LAMB1: variants seen among roughly 807,000 people sequenced by gnomAD.
LAMB1 encodes the protein laminin subunit beta 1, also known as laminin subunit beta-1.
LAMB1 carries 121 observed loss-of-function variants against 222.3 expected under a neutral mutation model. That is an observed-to-expected ratio of 0.54 (90% CI 0.47 to 0.63). The LOEUF (loss-of-function observed/expected upper bound fraction) is 0.63, where lower values mean the gene tolerates loss of function less well. LAMB1 is among the 30% of genes least tolerant of loss of function. LAMB1 has a pLI of 0.00. For missense variants in LAMB1, 2,172 were observed against 2,240.8 expected (o/e 0.97, Z 0.62); for synonymous variants, 794 against 807.2 (o/e 0.98, Z 0.28).
intron 2 of LAMB1, chr7:108,002,096 C>T: frequency 5.4e-6 from 8 of 1,473,112 alleles, no homozygotes; most frequent in Non-Finnish European, 7.2e-6. Context: ...GAGCCCGGCG[C>T]AGGGAGGCTG....
intron 15 of LAMB1, among the ~76,000 whole-genome samples, 160 bp downstream of exon 15, chr7:107,962,745 A>ATTTATT (rs1465271216): frequency 1.6e-4 from 24 of 151,770 alleles, no homozygotes; most frequent in Non-Finnish European, 2.8e-4. Flanking sequence ...AAAATGGTAC[A>ATTTATT]TTTATTTTAA....
rs747815326 is a variant in LAMB1, at chr7:107,931,451, T to C, written c.4442A>G (p.Asp1481Gly). The change falls in exon 29 of 34, where the codon GAC becomes GGC. Residue 1481 changes from aspartate (D) to glycine (G), a missense_variant. Physicochemically the swap from Asp to Gly is moderately conservative, Grantham distance 94. Coordinates refer to ENST00000222399, the MANE Select transcript of LAMB1 (RefSeq NM_002291.3). The stretch of plus-strand genomic sequence containing the variant: ...GGTAGCATTTGTCTTCAACAGAATG[T>C]CTTCAGCACTTTGTTTTGCCTCATC... ...RADEAKQSAEDILLKTNATKE... is the reference protein window; with the variant it reads ...RADEAKQSAEGILLKTNATKE... The C allele has an allele frequency of 2.5e-6, 4 of 1,613,746 alleles. No homozygotes were observed. Among genetic ancestry groups the C allele is most frequent in the African/African-American group, 1.3e-5 (1 of 75,034 alleles).
intron 24 of LAMB1, among the ~76,000 whole-genome samples, chr7:107,949,005 GTTTCTGTTTTTTATCGGTTGTTTGCT>G (rs1469148210): frequency 2.6e-5 from 4 of 152,294 alleles, no homozygotes; most frequent in Admixed American, 6.5e-5. Flanking sequence ...AGAATACTTA[GTTTCTGTTTTTTATCGGTTGTTTGCT>G]TTTCCTGATG....
chr7:107,951,131 T>C (rs2033238341), intron 24 of LAMB1, 95 bp downstream of exon 24: 1 of 846,100 alleles, frequency 1.2e-6, no homozygotes, highest in African/African-American at 1.7e-5. Flanking sequence ...GACACGTTAA[T>C]TTGTACTGTG....
At chr7:107,976,656 C>A (rs540948743) in intron 9 of LAMB1, among the ~76,000 whole-genome samples, 2 of 152,306 alleles carry the variant, frequency 1.3e-5, no homozygotes, top group South Asian at 4.1e-4. Context: ...CTACTCACAT[C>A]CTTGGTGCCC....
At chr7:107,983,457 C>G (rs751205540) in intron 7 of LAMB1, among the ~76,000 whole-genome samples, 8 of 151,520 alleles carry the variant, frequency 5.3e-5, no homozygotes, top group Non-Finnish European at 7.4e-5. Context: ...GCAACATCAA[C>G]AGCAACAAAT....
chr7:107,958,837 A>C (rs567643417), intron 20 of LAMB1, among the ~76,000 whole-genome samples: 1 of 152,316 alleles, frequency 6.6e-6, no homozygotes, highest in Admixed American at 6.5e-5. Context: ...GTTGCATAAA[A>C]CGTTCTGAAA....
chr7:107,940,616 A>G (rs2032958877), intron 24 of LAMB1: 3 of 481,398 alleles, frequency 6.2e-6, no homozygotes, highest in South Asian at 2.6e-5. Flanking sequence ...AACTCTCACA[A>G]TAACCCTATG....
Position 107,964,696 on chromosome 7 carries a change from G to C in LAMB1, c.1563-9C>G, listed in dbSNP as rs773444648. The C allele has an allele frequency of 1.9e-6, 3 of 1,613,976 alleles. No homozygotes were observed. Among genetic ancestry groups the C allele is most frequent in the Non-Finnish European group, 1.7e-6 (2 of 1,179,964 alleles). On this transcript the variant is annotated splice_polypyrimidine_tract_variant and intron_variant, in intron 13 of 33. Transcript: ENST00000222399. ...CTGACTCCGCAAAGCAACTGGAAGG[G>C]AGGAGGAGCCACATCAGCTGAGTTC...
chr7:107,926,353 A>G lies in LAMB1; in HGVS notation c.4894T>C (p.Ser1632Pro), dbSNP rs2032566399. 6.2e-7 allele frequency: 1 copy of G among 1,613,314 alleles called. No individual in the cohort carries two copies. Among genetic ancestry groups the G allele is most frequent in the African/African-American group, 1.3e-5 (1 of 74,892 alleles). The part of the protein sequence containing the change: ...GTQNLLTSIE[S>P]ETAASEETLF... ...GTTTCCTCAGAAGCTGCTGTTTCAGACTCAATCTAAAAGCATGTCAATTTT... is the reference window on the plus strand; with the variant it reads ...GTTTCCTCAGAAGCTGCTGTTTCAGGCTCAATCTAAAAGCATGTCAATTTT... Residue 1632 changes from serine to proline, a missense_variant, in exon 32 of 34, where the codon TCT becomes CCT. Coordinates refer to ENST00000222399, the MANE Select transcript of LAMB1 (RefSeq NM_002291.3).
chr7:107,975,924 C>T (rs2033845427), intron 9 of LAMB1, 47 bp from the exon 10 acceptor site: 3 of 1,530,218 alleles, frequency 2.0e-6, no homozygotes, highest in Admixed American at 1.8e-5. Context: ...AATCTATGGA[C>T]CAATGGAGGA....
At chr7:108,001,512 G>A (rs2034382442) in intron 3 of LAMB1, 46 bp downstream of exon 3, 1 of 1,528,312 alleles carries the variant, frequency 6.5e-7, no homozygotes, top group Non-Finnish European at 8.8e-7. Flanking sequence ...AGGTCTGGAC[G>A]GGAGGAGGCG....
In LAMB1 at chr7:107,924,998, T is replaced by C. The variant is rs73410496; in HGVS notation, c.5065-609A>G. On this transcript the variant is annotated intron_variant, in intron 32 of 33. Coordinates refer to ENST00000222399, the MANE Select transcript of LAMB1 (RefSeq NM_002291.3). The stretch of plus-strand genomic sequence containing the variant: ...TCCTTTCTCTTGTGATAAAATGTCA[T>C]TATGCAAAATGCCCTGAAGCAGAGT... Among the ~76,000 whole-genome samples, 877 of 152,294 alleles carry C rather than the reference T, an allele frequency of 5.8e-3. 9 individuals are homozygous for C. Among genetic ancestry groups the C allele is most frequent in the African/African-American group, 0.02 (812 of 41,564 alleles).
At chr7:107,943,585 G>C (rs2033044793) in intron 24 of LAMB1, among the ~76,000 whole-genome samples, 1 of 152,042 alleles carries the variant, frequency 6.6e-6, no homozygotes, top group Non-Finnish European at 1.5e-5. Flanking sequence ...GTAGGTATCA[G>C]AATCACCTGG....
chr7:107,955,276 T>C lies in LAMB1; in HGVS notation c.2854+191A>G, dbSNP rs142598902. ...CCTGCTTTGTGTTATAACGTTCTTATCAGAGACTCAATATGAATTGACTCC... is the reference window on the plus strand; with the variant it reads ...CCTGCTTTGTGTTATAACGTTCTTACCAGAGACTCAATATGAATTGACTCC... On this transcript the variant is annotated intron_variant, in intron 21 of 33. Transcript: ENST00000222399. Among the ~76,000 whole-genome samples the C allele has an allele frequency of 1.4e-4, 22 of 152,336 alleles. No homozygotes were observed. The East Asian group carries it at 3.9e-3, about 27-fold the overall frequency.
intron 5 of LAMB1, among the ~76,000 whole-genome samples, chr7:107,992,388 G>A (rs2034202528): frequency 6.6e-6 from 1 of 152,196 alleles, no homozygotes; most frequent in African/African-American, 2.4e-5. Flanking sequence ...GGAAGCTCCT[G>A]GAGGGCAGTC....
rs1399071777 is a variant in LAMB1 at position 107,961,693 on chromosome 7, A to G, written c.1858-17T>C. On this transcript the variant is annotated splice_polypyrimidine_tract_variant and intron_variant, in intron 15 of 33. Coordinates refer to ENST00000222399, the MANE Select transcript of LAMB1 (RefSeq NM_002291.3). ...GTCGGGTAGCTAGAATAAGAAACAA[A>G]CAATGAAAAGATAGTTAGCCCACCA... 3 of 1,608,658 alleles carry G rather than the reference A, an allele frequency of 1.9e-6. No individual in the cohort carries two copies. Among genetic ancestry groups the G allele is most frequent in the African/African-American group, 1.3e-5 (1 of 74,956 alleles).
At chr7:107,938,025 G>T (rs1475336768) in intron 25 of LAMB1, among the ~76,000 whole-genome samples, 2 of 151,968 alleles carry the variant, frequency 1.3e-5, no homozygotes, top group African/African-American at 4.8e-5. Context: ...GCACATGCGA[G>T]TGTGCTCCAG....
rs763886030 is a variant in LAMB1 at position 107,947,887 on chromosome 7, C to T, written c.3391+3339G>A. On this transcript the variant is annotated intron_variant, in intron 24 of 33. Transcript: ENST00000222399. ...CCCCTCCTCCCAAATTTCCAAATGTCCCCACCCCAGCTCAGCCACTGTGGG... is the reference window on the plus strand; with the variant it reads ...CCCCTCCTCCCAAATTTCCAAATGTTCCCACCCCAGCTCAGCCACTGTGGG... 9.2e-5 allele frequency among the ~76,000 whole-genome samples: 14 copies of T among 152,230 alleles called. No homozygotes were observed. In the Middle Eastern group the frequency reaches 0.014, roughly 148 times the overall value.
Sources: allele counts gnomAD v4.1 joint callset (sites outside exome capture counted in the v4.1 genomes callset), GRCh38; gene constraint gnomAD v4.1.1; transcripts MANE v1.5; gene names NCBI Gene and HGNC (gene_info 2026-07-23, HGNC 2026-07-21).